Variants in EYA4 observed in about 807,000 individuals in gnomAD.
The protein encoded by EYA4 is protein phosphatase EYA4.
EYA4 carries 31 observed loss-of-function variants against 87.9 expected under a neutral mutation model. The ratio of observed to expected loss-of-function variants is 0.35; its 90% CI spans 0.27 to 0.48. The LOEUF (loss-of-function observed/expected upper bound fraction) is 0.48, where lower values mean the gene tolerates loss of function less well. EYA4 is among the 20% of genes least tolerant of loss of function. The pLI, the probability that EYA4 is intolerant of heterozygous loss-of-function variation, is 0.99. For synonymous variants in EYA4, 263 were observed against 270.6 expected, an observed-to-expected ratio of 0.97 and a Z score of 0.28; for missense variants, 678 against 761.4, an observed-to-expected ratio of 0.89 and a Z score of 1.29.
chr6:133,303,085 T>A (rs1415465311), intron 2 of EYA4, among the ~76,000 whole-genome samples: 2 of 152,226 alleles, frequency 1.3e-5, no homozygotes, highest in Non-Finnish European at 2.9e-5. Context: ...GGATTTGGTA[T>A]ATGGGCAGTT....
chr6:133,365,510 CACTTACATTAAATGTAAGTAATTTTATT>C (rs1360994347), intron 2 of EYA4, among the ~76,000 whole-genome samples: 26 of 151,974 alleles, frequency 1.7e-4, no homozygotes, highest in East Asian at 1.6e-3. Flanking sequence ...GGAGGGGGGG[CACTTACATTAAATGTAAGTAATTTTATT>C]ACTTACATTT....
At chr6:133,270,390 A>G (rs1018779066) in intron 1 of EYA4, among the ~76,000 whole-genome samples, 1 of 152,264 alleles carries the variant, frequency 6.6e-6, no homozygotes, top group Non-Finnish European at 1.5e-5. Flanking sequence ...CAATATTTAA[A>G]TGCCGATATG....
At chr6:133,347,364 T>G (rs1212044514) in intron 2 of EYA4, among the ~76,000 whole-genome samples, 1 of 152,206 alleles carries the variant, frequency 6.6e-6, no homozygotes. Context: ...TTTTTAAATT[T>G]TTTTTTCAAA....
chr6:133,462,205 A>G (rs1228670918), intron 7 of EYA4, 130 bp from the exon 8 acceptor site: 4 of 1,106,278 alleles, frequency 3.6e-6, no homozygotes, highest in South Asian at 2.5e-5. Context: ...GCTTTTTCCT[A>G]TATTGTTAAA....
intron 3 of EYA4, among the ~76,000 whole-genome samples, chr6:133,400,123 AAG>A (rs1458748548): frequency 6.6e-6 from 1 of 152,192 alleles, no homozygotes; most frequent in Non-Finnish European, 1.5e-5. Context: ...TTTTCTATTC[AAG>A]AGTTTCATGA....
chr6:133,327,913 T>A (rs1781629950), intron 2 of EYA4, among the ~76,000 whole-genome samples: 1 of 152,112 alleles, frequency 6.6e-6, no homozygotes, highest in Non-Finnish European at 1.5e-5. Context: ...ATGGAAAAAA[T>A]TCTTAGAGAC....
chr6:133,261,645 A>G (rs1455538112), intron 1 of EYA4, among the ~76,000 whole-genome samples: 3 of 152,218 alleles, frequency 2.0e-5, no homozygotes, highest in Non-Finnish European at 1.5e-5. Context: ...ATAATTGGTT[A>G]ATGTAGCTCC....
intron 2 of EYA4, among the ~76,000 whole-genome samples, chr6:133,296,644 C>T (rs545816552): frequency 4.8e-4 from 73 of 151,872 alleles, no homozygotes; most frequent in East Asian, 1.4e-3. Flanking sequence ...AGAAGCTTTT[C>T]GGGAGGGAAG....
intron 2 of EYA4, among the ~76,000 whole-genome samples, chr6:133,322,899 T>C (rs923036910): frequency 6.6e-6 from 1 of 152,198 alleles, no homozygotes; most frequent in African/African-American, 2.4e-5. Context: ...CTTACATGTG[T>C]ACCACACCTG....
Position 133,377,233 on chromosome 6 carries a change from T to C in EYA4, c.34-5159T>C, listed in dbSNP as rs115709747. Among the ~76,000 whole-genome samples the C allele has an allele frequency of 9.3e-3, 1,414 of 152,136 alleles. 20 individuals carry two copies. Among genetic ancestry groups the C allele is most frequent in the African/African-American group, 0.032 (1,348 of 41,522 alleles). ...AAGTAAGAATCAACAGGAGAAATTA[T>C]TTTATTTAACACAGTATACCCAAAA... On this transcript the variant is annotated intron_variant, in intron 2 of 19. Transcript: ENST00000355286.
chr6:133,414,313 A>T (rs1002195241), intron 3 of EYA4, among the ~76,000 whole-genome samples: 1 of 152,184 alleles, frequency 6.6e-6, no homozygotes, highest in African/African-American at 2.4e-5. Flanking sequence ...AAAAGGTAAC[A>T]GTTTTCTCTG....
At chr6:133,288,435 A>G (rs1304604639) in intron 2 of EYA4, among the ~76,000 whole-genome samples, 2 of 152,178 alleles carry the variant, frequency 1.3e-5, no homozygotes, top group East Asian at 3.9e-4. Flanking sequence ...TGGAGGAGGA[A>G]AAAGATTATC....
intron 3 of EYA4, among the ~76,000 whole-genome samples, chr6:133,396,168 T>C (rs1376354310): frequency 6.6e-6 from 1 of 152,184 alleles, no homozygotes; most frequent in African/African-American, 2.4e-5. Flanking sequence ...TAGGCTTGGC[T>C]TCCATAGGAA....
At chr6:133,271,858 C>G (rs1039339336) in intron 1 of EYA4, among the ~76,000 whole-genome samples, 15 of 152,202 alleles carry the variant, frequency 9.9e-5, no homozygotes, top group Non-Finnish European at 1.9e-4. Flanking sequence ...AAATCCTCCT[C>G]TGCTGAAGTA....
intron 3 of EYA4, among the ~76,000 whole-genome samples, chr6:133,406,917 A>G (rs1486607764): frequency 6.6e-6 from 1 of 152,214 alleles, no homozygotes; most frequent in Non-Finnish European, 1.5e-5. Flanking sequence ...GAGAAAGCTG[A>G]ATAGAAAAAT....
intron 3 of EYA4, among the ~76,000 whole-genome samples, chr6:133,418,316 T>A (rs1583224487): frequency 6.6e-6 from 1 of 152,302 alleles, no homozygotes; most frequent in Middle Eastern, 3.4e-3. Flanking sequence ...ACATTCTTCA[T>A]GGATGTGACA....
chr6:133,437,503 G>A (rs556388094), intron 3 of EYA4, among the ~76,000 whole-genome samples: 27 of 152,110 alleles, frequency 1.8e-4, no homozygotes, highest in African/African-American at 5.1e-4. Flanking sequence ...ATATTAATAC[G>A]TTATTTTAAA....
intron 2 of EYA4, among the ~76,000 whole-genome samples, chr6:133,357,228 G>A (rs1252775974): frequency 1.6e-5 from 2 of 124,080 alleles, no homozygotes; most frequent in East Asian, 2.4e-4. Context: ...CCGAGATCCC[G>A]CCACTGCACT....
At chr6:133,432,785 T>A (rs1306792627) in intron 3 of EYA4, among the ~76,000 whole-genome samples, 2 of 152,204 alleles carry the variant, frequency 1.3e-5, no homozygotes, top group Non-Finnish European at 2.9e-5. Flanking sequence ...TCGTGGCAGG[T>A]GCTAACTTCC....
Sources: allele counts gnomAD v4.1 joint callset (sites outside exome capture counted in the v4.1 genomes callset), GRCh38; gene constraint gnomAD v4.1.1; transcripts MANE v1.5; gene names NCBI Gene and HGNC (gene_info 2026-07-23, HGNC 2026-07-21).